IP6K1: variants seen among roughly 807,000 people sequenced by gnomAD.
The protein encoded by IP6K1 is inositol hexakisphosphate kinase 1, also known as ATP:1D-myo-inositol-hexakisphosphate phosphotransferase.
Under a neutral mutation model 38.3 loss-of-function variants are expected in IP6K1, and 13 were observed. The observed-to-expected ratio is 0.34, with a 90% CI of 0.22 to 0.54. The LOEUF (loss-of-function observed/expected upper bound fraction) is 0.54. Ranked by LOEUF, IP6K1 falls within the 20% of genes least tolerant of loss-of-function variation. The probability of loss-of-function intolerance (pLI) is 0.92; values close to 1 mark genes in which losing one functional copy is unlikely to be tolerated. For missense variants in IP6K1, 397 were observed against 599.8 expected, an observed-to-expected ratio of 0.66 and a Z score of 3.53; for synonymous variants, 212 against 229.9, an observed-to-expected ratio of 0.92 and a Z score of 0.70.
chr3:49,761,913 T>A (rs1287418070), intron 1 of IP6K1, among the ~76,000 whole-genome samples: 2 of 152,002 alleles, frequency 1.3e-5, no homozygotes, highest in Non-Finnish European at 2.9e-5. Context: ...ACCATTGCAC[T>A]CCAGCCTGGG....
At chr3:49,749,749 T>C (rs902307522) in intron 1 of IP6K1, among the ~76,000 whole-genome samples, 6 of 152,156 alleles carry the variant, frequency 3.9e-5, no homozygotes, top group African/African-American at 1.2e-4. Flanking sequence ...GCTAGCTATG[T>C]TTTATTTCAC....
intron 1 of IP6K1, among the ~76,000 whole-genome samples, chr3:49,752,900 G>A (rs780952222): frequency 1.3e-5 from 2 of 151,266 alleles, no homozygotes; most frequent in Non-Finnish European, 2.9e-5. Flanking sequence ...GACTACAAGC[G>A]CACCCCACCA....
chr3:49,738,451 A>G lies in IP6K1; in HGVS notation c.224-29T>C, dbSNP rs143705665. The stretch of plus-strand genomic sequence containing the variant: ...TTAAAAAAAGGGCAGTTGGTAAACA[A>G]ATGTCAACACAGGCCGAGTCTATGC... On this transcript the variant is annotated intron_variant, in intron 2 of 5. Transcript: ENST00000321599. 378 of 1,567,204 alleles carry G rather than the reference A, an allele frequency of 2.4e-4. 2 individuals carry two copies. The East Asian group carries it at 8.4e-3, about 35-fold the overall frequency.
intron 1 of IP6K1, among the ~76,000 whole-genome samples, chr3:49,779,259 TTAACA>T (rs1251776266): frequency 1.3e-5 from 2 of 152,234 alleles, no homozygotes; most frequent in African/African-American, 4.8e-5. Flanking sequence ...TTCTTTCACT[TTAACA>T]TGTTTTCAAG....
chr3:49,727,062 C>T lies in IP6K1; in HGVS notation c.*60G>A. ...AGTCTGTGTGTCCTCACGGCAAGTTCAGAACAATGGTCCCTGCCTGCAGTG... is the reference window on the plus strand; with the variant it reads ...AGTCTGTGTGTCCTCACGGCAAGTTTAGAACAATGGTCCCTGCCTGCAGTG... On this transcript the variant is annotated 3_prime_UTR_variant, in exon 6 of 6. Transcript: ENST00000321599. This position sits in a 1 kb window ranked among gnomAD's most constrained non-coding sequence, Gnocchi z 5.9. 1 of 1,490,078 alleles carries T rather than the reference C, an allele frequency of 6.7e-7. No homozygotes were observed. Among genetic ancestry groups the T allele is most frequent in the Non-Finnish European group, 9.0e-7 (1 of 1,107,086 alleles). The allele number at this position is 1,490,078 out of a possible 1,614,324, so 92.3% of individuals were successfully genotyped here.
chr3:49,731,568 C>G (rs192014652), intron 4 of IP6K1, among the ~76,000 whole-genome samples: 172 of 152,244 alleles, frequency 1.1e-3, no homozygotes, highest in Non-Finnish European at 1.9e-3. Flanking sequence ...CCCTGTGCTT[C>G]CACTTCCTCA....
At position 49,727,231 on chromosome 3, in the gene IP6K1, T is replaced by A; in HGVS notation, c.1217A>T (p.Lys406Met). ...CACGGTGGGGTCATCCCGGAAGCCC[T>A]TGAATGTGCTGTGTGCAAAGTCAAT... ...RMIDFAHSTFKGFRDDPTVHD... is the reference protein window; with the variant it reads ...RMIDFAHSTFMGFRDDPTVHD... The change falls in exon 6 of 6, where the codon AAG becomes ATG. Residue 406 changes from lysine (K) to methionine (M), a missense_variant. Physicochemically the swap from Lys to Met is moderately conservative, Grantham distance 95. Coordinates refer to ENST00000321599, the MANE Select transcript of IP6K1 (RefSeq NM_153273.4). The surrounding 1 kb of genome is among the most constrained non-coding windows in gnomAD (Gnocchi z 5.9). 6.2e-7 allele frequency: 1 copy of A among 1,614,132 alleles called. No homozygotes were observed.
chr3:49,758,314 C>CAAAAAAA lies in IP6K1; in HGVS notation c.-128-10153_-128-10147dup, dbSNP rs11359274. On this transcript the variant is annotated intron_variant, in intron 1 of 5. Coordinates refer to ENST00000321599, the MANE Select transcript of IP6K1 (RefSeq NM_153273.4). ...GGGGTGACAGAACAAGACTCCATCT[C>CAAAAAAA]AAAAAAAAAAAAAAAAAAAAAAGGT... 3.9e-4 allele frequency among the ~76,000 whole-genome samples: 21 copies of CAAAAAAA among 54,390 alleles called. 1 individual carries two copies. Among genetic ancestry groups the CAAAAAAA allele is most frequent in the African/African-American group, 1.5e-3 (20 of 13,136 alleles). 35.7% of individuals were successfully genotyped at this position (54,390 alleles called of 152,430 possible).
At chr3:49,762,177 C>T (rs535169308) in intron 1 of IP6K1, among the ~76,000 whole-genome samples, 1 of 152,166 alleles carries the variant, frequency 6.6e-6, no homozygotes, top group East Asian at 1.9e-4. Flanking sequence ...GTCTCAAACT[C>T]CTGTACTCAA....
rs547856744 is a variant in IP6K1, at chr3:49,728,374, A to C, written c.617-96T>G. 68 of 1,166,222 alleles carry C rather than the reference A, an allele frequency of 5.8e-5. No homozygotes were observed. The African/African-American group carries it at 8.5e-4, about 15-fold the overall frequency. The allele number at this position is 1,166,222 out of a possible 1,614,324, so 72.2% of individuals were successfully genotyped here. ...TTTCTATAAAAGGGGGCTTTTACCT[A>C]ATGCAGTATGTACTTGTCTCAAACT... is the stretch of plus-strand genomic sequence containing the variant. On this transcript the variant is annotated intron_variant, in intron 4 of 5. Transcript: ENST00000321599.
chr3:49,778,701 C>T (rs958401562), intron 1 of IP6K1, among the ~76,000 whole-genome samples: 1 of 152,198 alleles, frequency 6.6e-6, no homozygotes, highest in Non-Finnish European at 1.5e-5. Flanking sequence ...CCACAGCTCA[C>T]TGCAGCCTCA....
chr3:49,747,689 A>T, intron 2 of IP6K1, 129 bp downstream of exon 2: 3 of 1,224,002 alleles, frequency 2.5e-6, no homozygotes, highest in Non-Finnish European at 3.4e-6. Flanking sequence ...TTTATCTAAC[A>T]AAGTGACTTC....
intron 3 of IP6K1, among the ~76,000 whole-genome samples, chr3:49,733,813 C>G (rs896416362): frequency 1.3e-5 from 2 of 152,110 alleles, no homozygotes; most frequent in African/African-American, 4.8e-5. Context: ...CCACGCCCAG[C>G]CAAGGAAGGA....
intron 1 of IP6K1, among the ~76,000 whole-genome samples, chr3:49,775,794 G>A (rs1419191749): frequency 6.6e-6 from 1 of 151,988 alleles, no homozygotes; most frequent in African/African-American, 2.4e-5. Context: ...GGATGGAAAA[G>A]GATTCTTCAC....
At chr3:49,737,552 G>A (rs1393318491) in intron 3 of IP6K1, among the ~76,000 whole-genome samples, 1 of 152,076 alleles carries the variant, frequency 6.6e-6, no homozygotes, top group Non-Finnish European at 1.5e-5. Flanking sequence ...TGGGTGTGGT[G>A]GTGCACGCCT....
chr3:49,784,720 G>A (rs980474332), intron 1 of IP6K1, among the ~76,000 whole-genome samples: 2 of 151,986 alleles, frequency 1.3e-5, no homozygotes, highest in South Asian at 4.1e-4. Context: ...GCGGAGGCGG[G>A]TTGATCATGA....
chr3:49,783,479 G>A lies in IP6K1; in HGVS notation c.-129+2875C>T, dbSNP rs1169334555. 5.9e-5 allele frequency among the ~76,000 whole-genome samples: 9 copies of A among 151,928 alleles called. 1 individual carries two copies. Among genetic ancestry groups the A allele is most frequent in the African/African-American group, 1.5e-4 (6 of 41,366 alleles). Reference sequence around the variant, plus strand: ...TGTAATCCCAGCACTTTGGGAGGCCGAGGTAGACGGATCATGAGGTCAGGA... The same window carrying A: ...TGTAATCCCAGCACTTTGGGAGGCCAAGGTAGACGGATCATGAGGTCAGGA... On this transcript the variant is annotated intron_variant, in intron 1 of 5. Transcript: ENST00000321599.
At chr3:49,752,967 C>G (rs2080791748) in intron 1 of IP6K1, among the ~76,000 whole-genome samples, 1 of 151,838 alleles carries the variant, frequency 6.6e-6, no homozygotes. Flanking sequence ...GTCATGTTGG[C>G]CAGGCTGGTC....
chr3:49,742,409 C>T (rs775435147), intron 2 of IP6K1, among the ~76,000 whole-genome samples: 5 of 152,126 alleles, frequency 3.3e-5, no homozygotes, highest in South Asian at 4.1e-4. Flanking sequence ...ATTAGCCGGG[C>T]GTGGTGGTAC....
Sources: gnomAD v4.1 joint callset for allele counts (sites outside exome capture counted in the v4.1 genomes callset) on GRCh38, gnomAD v4.1.1 for gene constraint, Gnocchi (gnomAD v3.1) non-coding constraint, MANE v1.5 for transcripts, NCBI Gene and HGNC (gene_info 2026-07-23, HGNC 2026-07-21) for gene names.